Variants in TENM3 observed in about 807,000 individuals in gnomAD.
TENM3 encodes the protein teneurin transmembrane protein 3, also known as teneurin-3.
A neutral mutation model predicts 255.1 loss-of-function variants in TENM3; 63 were observed. The observed-to-expected ratio is 0.25, with a 90% CI of 0.20 to 0.30. The LOEUF is 0.30. Ranked by LOEUF, TENM3 falls within the 10% of genes least tolerant of loss-of-function variation. The pLI, the probability that TENM3 is intolerant of heterozygous loss-of-function variation, is 1.00. For missense variants in TENM3, 2,929 were observed against 3,461.1 expected (o/e 0.85, Z 3.86); for synonymous variants, 1,306 against 1,322.3 (o/e 0.99, Z 0.27).
chr4:182,515,649 T>G (rs1737863016), intron 3 of TENM3, among the ~76,000 whole-genome samples: 1 of 151,742 alleles, frequency 6.6e-6, no homozygotes, highest in African/African-American at 2.4e-5. Context: ...ATCAACCTCC[T>G]TAAGCAGAAG....
the TENM3 span, among the ~76,000 whole-genome samples, chr4:181,831,508 A>AC: frequency 1.3e-5 from 2 of 151,942 alleles, no homozygotes; most frequent in Admixed American, 6.6e-5. Context: ...CCAAAAAAAA[A>AC]AAAACCTGAT....
At chr4:181,529,487 A>G in the TENM3 span, among the ~76,000 whole-genome samples, 1 of 152,232 alleles carries the variant, frequency 6.6e-6, no homozygotes, top group East Asian at 1.9e-4. Flanking sequence ...TGTAAATACT[A>G]CAGGCATAAA....
the TENM3 span, among the ~76,000 whole-genome samples, chr4:181,901,929 C>G: frequency 6.6e-6 from 1 of 152,066 alleles, no homozygotes; most frequent in African/African-American, 2.4e-5. Flanking sequence ...TCTTTTTCCC[C>G]TCTTCTGTAA....
chr4:182,595,549 A>G (rs1200457190), intron 3 of TENM3, among the ~76,000 whole-genome samples: 2 of 152,178 alleles, frequency 1.3e-5, no homozygotes, highest in Non-Finnish European at 2.9e-5. Context: ...AACATCTGAT[A>G]TTAATTTCAT....
intron 6 of TENM3, among the ~76,000 whole-genome samples, chr4:182,660,454 C>T (rs1754137008): frequency 6.6e-6 from 1 of 152,126 alleles, no homozygotes; most frequent in Non-Finnish European, 1.5e-5. Flanking sequence ...TAAAGGTTTA[C>T]AATGAGGTTT....
chr4:181,782,415 T>C, the TENM3 span, among the ~76,000 whole-genome samples: 1 of 152,220 alleles, frequency 6.6e-6, no homozygotes, highest in African/African-American at 2.4e-5. Context: ...CATAGAGTTG[T>C]TTATCGTATT....
At chr4:182,026,453 C>G in the TENM3 span, among the ~76,000 whole-genome samples, 1 of 152,094 alleles carries the variant, frequency 6.6e-6, no homozygotes, top group East Asian at 1.9e-4. Flanking sequence ...TGTACAAAAG[C>G]TTTTTAACTT....
the TENM3 span, among the ~76,000 whole-genome samples, chr4:181,953,479 C>T: frequency 6.6e-6 from 1 of 152,086 alleles, no homozygotes; most frequent in African/African-American, 2.4e-5. Flanking sequence ...CCTGCTACAT[C>T]GATGGATACA....
the TENM3 span, among the ~76,000 whole-genome samples, chr4:181,471,335 G>A: frequency 1.3e-5 from 2 of 152,086 alleles, no homozygotes; most frequent in South Asian, 4.2e-4. Flanking sequence ...CCACTTTGTT[G>A]GAGATTATCA....
At chr4:182,243,258 G>A (rs1757400529), upstream of TENM3, among the ~76,000 whole-genome samples, 1 of 152,196 alleles carries the variant, frequency 6.6e-6, no homozygotes, top group African/African-American at 2.4e-5. Context: ...GGGATTACAG[G>A]CATGCACCAC....
intron 3 of TENM3, among the ~76,000 whole-genome samples, chr4:182,409,192 T>C (rs1391729659): frequency 3.3e-5 from 5 of 152,210 alleles, no homozygotes; most frequent in Admixed American, 1.3e-4. Context: ...AGGCCATGCA[T>C]GCATCAGGAC....
At chr4:181,579,027 A>G in the TENM3 span, among the ~76,000 whole-genome samples, 1 of 152,092 alleles carries the variant, frequency 6.6e-6, no homozygotes, top group Non-Finnish European at 1.5e-5. Context: ...CTCATGAGAA[A>G]AGCAGGCTCC....
chr4:181,456,782 A>C, the TENM3 span, among the ~76,000 whole-genome samples: 1 of 151,996 alleles, frequency 6.6e-6, no homozygotes, highest in East Asian at 1.9e-4. Flanking sequence ...TGAGTGAATA[A>C]TGTACTAGAA....
the TENM3 span, among the ~76,000 whole-genome samples, chr4:182,058,803 G>A: frequency 1.3e-5 from 2 of 152,030 alleles, no homozygotes; most frequent in African/African-American, 2.4e-5. Context: ...CCTTTCTGAA[G>A]GGCAACATTT....
chr4:181,806,947 C>T, the TENM3 span, among the ~76,000 whole-genome samples: 1 of 152,158 alleles, frequency 6.6e-6, no homozygotes, highest in Admixed American at 6.5e-5. Context: ...GTATCTGTCT[C>T]GCCCATCACT....
At chr4:182,081,583 C>CAAAAAAAA in the TENM3 span, among the ~76,000 whole-genome samples, 6 of 87,520 alleles carry the variant, frequency 6.9e-5, no homozygotes, top group Admixed American at 4.3e-4. Context: ...GGCTCTGCCT[C>CAAAAAAAA]AAAAAAAAAA....
chr4:181,470,245 T>C, the TENM3 span, among the ~76,000 whole-genome samples: 2 of 152,174 alleles, frequency 1.3e-5, no homozygotes, highest in Non-Finnish European at 2.9e-5. Flanking sequence ...AGTTTAAATA[T>C]GTTTGGTCAT....
the TENM3 span, among the ~76,000 whole-genome samples, chr4:181,622,975 C>T: frequency 3.9e-5 from 6 of 152,140 alleles, no homozygotes; most frequent in Non-Finnish European, 7.3e-5. Flanking sequence ...GGTGGCATTA[C>T]ATTTTTTAGA....
At chr4:181,653,310 G>A in the TENM3 span, among the ~76,000 whole-genome samples, 15 of 152,174 alleles carry the variant, frequency 9.9e-5, no homozygotes, top group Admixed American at 2.6e-4. Context: ...AAGAATCTGC[G>A]TTTCTAACAA....
Sources: allele counts gnomAD v4.1 joint callset (sites outside exome capture counted in the v4.1 genomes callset), GRCh38; gene constraint gnomAD v4.1.1; transcripts MANE v1.5; gene names NCBI Gene and HGNC (gene_info 2026-07-23, HGNC 2026-07-21).